Variants in WDR70 observed in about 807,000 individuals in gnomAD.
The protein encoded by WDR70 is WD repeat-containing protein 70.
WDR70 carries 53 observed loss-of-function variants against 88.6 expected under a neutral mutation model. That is an observed-to-expected ratio of 0.60 (90% CI 0.48 to 0.75). The LOEUF (loss-of-function observed/expected upper bound fraction) is 0.75. Among genes scored for constraint, WDR70 ranks in the 30% least tolerant of loss-of-function variants. The pLI, the probability that WDR70 is intolerant of heterozygous loss-of-function variation, is 0.00. For synonymous variants in WDR70, 280 were observed against 270.0 expected (o/e 1.04, Z -0.36); for missense variants, 610 against 823.2 (o/e 0.74, Z 3.17).
chr5:37,655,967 G>C (rs1373696794), intron 10 of WDR70, among the ~76,000 whole-genome samples: 1 of 151,860 alleles, frequency 6.6e-6, no homozygotes, highest in Non-Finnish European at 1.5e-5. Context: ...TCTCCATCCA[G>C]TTCTGTTCCC....
At chr5:37,416,326 C>G (rs1205759047) in intron 5 of WDR70, among the ~76,000 whole-genome samples, 1 of 152,208 alleles carries the variant, frequency 6.6e-6, no homozygotes, top group African/African-American at 2.4e-5. Context: ...CTGGGCAACA[C>G]AGCGAAACCC....
intron 5 of WDR70, among the ~76,000 whole-genome samples, chr5:37,404,697 G>GT (rs200438669): frequency 2.6e-5 from 4 of 151,186 alleles, no homozygotes; most frequent in African/African-American, 4.9e-5. Flanking sequence ...AGCTCTGACA[G>GT]TTTTTTTTTA....
At chr5:37,386,062 C>A (rs909935804) in intron 3 of WDR70, among the ~76,000 whole-genome samples, 1 of 151,888 alleles carries the variant, frequency 6.6e-6, no homozygotes, top group Non-Finnish European at 1.5e-5. Flanking sequence ...ATCCGCCCCC[C>A]TCAGCCTCCC....
At chr5:37,707,951 ATATATATATATATATATATATATAT>A (rs1747404785) in intron 13 of WDR70, among the ~76,000 whole-genome samples, 10 of 20,012 alleles carry the variant, frequency 5.0e-4, no homozygotes, top group Non-Finnish European at 6.3e-4. Flanking sequence ...AAAAAAAAAT[ATATATATATATATATATATATATAT>A]ATATATATAT....
At chr5:37,439,473 G>A (rs1750584318) in intron 6 of WDR70, among the ~76,000 whole-genome samples, 2 of 152,202 alleles carry the variant, frequency 1.3e-5, no homozygotes, top group African/African-American at 2.4e-5. Context: ...ACAACTGAGA[G>A]ATGGGTCATG....
At chr5:37,524,375 A>G (rs1473493936) in intron 9 of WDR70, among the ~76,000 whole-genome samples, 1 of 152,192 alleles carries the variant, frequency 6.6e-6, no homozygotes, top group Non-Finnish European at 1.5e-5. Context: ...ATATCCAGCC[A>G]AACTAAGCTT....
In WDR70 at chr5:37,724,970, G is replaced by A. The variant is rs990467989; in HGVS notation, c.1634G>A (p.Arg545Gln). ...CCTATGTTCCGTGAGCCCCGCCAAC[G>A]GAGTACAAGGAAACAGCTGGAGAAG... ...ALPMFREPRQ[R>Q]STRKQLEKDR... The change falls in exon 16 of 18, where the codon CGG becomes CAG. Residue 545 changes from arginine (R) to glutamine (Q), a missense_variant. Physicochemically the swap from Arg to Gln is conservative, Grantham distance 43. Around this residue, in one of 4 missense-constraint regions of WDR70, gnomAD observed 254 missense variants for 300.7 expected, o/e 0.84. Coordinates refer to ENST00000265107, the MANE Select transcript of WDR70 (RefSeq NM_018034.4). 6 of 1,613,500 alleles carry A rather than the reference G, an allele frequency of 3.7e-6. No homozygotes were observed. The highest frequency in any genetic ancestry group is 3.3e-5 in the Admixed American group (2 of 59,960).
intron 9 of WDR70, 43 bp from the exon 10 acceptor site, chr5:37,605,020 CT>C (rs150300664): frequency 0.57 from 730,968 of 1,293,650 alleles, 173,927 homozygotes; most frequent in Non-Finnish European, 0.6. Flanking sequence ...CCCCCTCCTT[CT>C]TTTTTTTTTT....
chr5:37,623,477 A>G (rs771040500), intron 10 of WDR70, among the ~76,000 whole-genome samples: 12 of 152,196 alleles, frequency 7.9e-5, no homozygotes, highest in Non-Finnish European at 1.6e-4. Context: ...GTGAAAATCA[A>G]TTTATGCACA....
At chr5:37,389,614 G>A (rs1581242961) in intron 3 of WDR70, among the ~76,000 whole-genome samples, 1 of 152,014 alleles carries the variant, frequency 6.6e-6, no homozygotes. Context: ...GGATTTCCCC[G>A]TGTTCGCCAA....
rs1456949367 is a variant in WDR70 at position 37,541,719 on chromosome 5, C to A, written c.917+25129C>A. 3.9e-5 allele frequency among the ~76,000 whole-genome samples: 6 copies of A among 152,052 alleles called. No homozygotes were observed. The East Asian group carries it at 1.2e-3, about 29-fold the overall frequency. On this transcript the variant is annotated intron_variant, in intron 9 of 17. Coordinates refer to ENST00000265107, the MANE Select transcript of WDR70 (RefSeq NM_018034.4). ...AGAAGAGGAACTGGCAGATGTCACA[C>A]AATAGCCGTAGGATCCATTTGCAAG... is the stretch of plus-strand genomic sequence containing the variant.
At chr5:37,653,582 G>C (rs187516409) in intron 10 of WDR70, among the ~76,000 whole-genome samples, 1 of 152,012 alleles carries the variant, frequency 6.6e-6, no homozygotes, top group Non-Finnish European at 1.5e-5. Context: ...GCTTTTTTTG[G>C]TTAGTAGGCT....
intron 10 of WDR70, among the ~76,000 whole-genome samples, chr5:37,639,782 A>T (rs1581456881): frequency 6.6e-6 from 1 of 152,192 alleles, no homozygotes; most frequent in Admixed American, 6.5e-5. Context: ...CTGAGAATTA[A>T]TAATATGGCA....
At chr5:37,579,582 C>CAAAA (rs201135421) in intron 9 of WDR70, among the ~76,000 whole-genome samples, 6 of 82,716 alleles carry the variant, frequency 7.3e-5, no homozygotes, top group African/African-American at 2.6e-4. Flanking sequence ...GACTCTGTCT[C>CAAAA]AAAAAAAAAA....
chr5:37,430,914 C>T (rs954374680), intron 5 of WDR70, among the ~76,000 whole-genome samples: 4 of 151,946 alleles, frequency 2.6e-5, no homozygotes, highest in Admixed American at 6.6e-5. Flanking sequence ...AGTGCAGTGG[C>T]GCAATCTTGG....
intron 7 of WDR70, among the ~76,000 whole-genome samples, chr5:37,446,541 A>G (rs545413402): frequency 6.6e-6 from 1 of 152,350 alleles, no homozygotes; most frequent in Admixed American, 6.5e-5. Context: ...TTCAAACTAT[A>G]CTACAAGGCT....
intron 9 of WDR70, among the ~76,000 whole-genome samples, chr5:37,587,667 G>C (rs1305499302): frequency 6.6e-6 from 1 of 151,924 alleles, no homozygotes; most frequent in African/African-American, 2.4e-5. Flanking sequence ...AAGGTACCTG[G>C]TTTGTGGAAA....
intron 7 of WDR70, among the ~76,000 whole-genome samples, chr5:37,473,513 C>T (rs7702750): frequency 0.86 from 129,972 of 151,974 alleles, 59,184 homozygotes; most frequent in East Asian, 1. Flanking sequence ...CAGCTAATTT[C>T]TTGTATTTTT....
At chr5:37,493,663 G>A (rs75120483) in intron 8 of WDR70, among the ~76,000 whole-genome samples, 1 of 152,080 alleles carries the variant, frequency 6.6e-6, no homozygotes, top group Admixed American at 6.6e-5. Context: ...TAAATCGGGG[G>A]TGTACTAAGT....
Sources: allele counts gnomAD v4.1 joint callset (sites outside exome capture counted in the v4.1 genomes callset), GRCh38; gene constraint gnomAD v4.1.1; regional missense constraint gnomAD v4.1.1; transcripts MANE v1.5; gene names NCBI Gene and HGNC (gene_info 2026-07-23, HGNC 2026-07-21).